Variants in SGMS1 observed in about 807,000 individuals in gnomAD.
SGMS1 encodes sphingomyelin synthase 1.
Under a neutral mutation model 46.2 loss-of-function variants are expected in SGMS1, and 13 were observed. That is an observed-to-expected ratio of 0.28 (90% confidence interval 0.18 to 0.45). SGMS1 has a LOEUF of 0.45. SGMS1 is among the 20% of genes least tolerant of loss of function. The probability of loss-of-function intolerance (pLI) is 1.00; values close to 1 mark genes in which losing one functional copy is unlikely to be tolerated. For synonymous variants in SGMS1, 203 were observed against 187.8 expected, an observed-to-expected ratio of 1.08 and a Z score of -0.66; for missense variants, 324 against 519.9, an observed-to-expected ratio of 0.62 and a Z score of 3.66.
chr10:50,341,602 G>A (rs1003098490), intron 7 of SGMS1, among the ~76,000 whole-genome samples: 4 of 152,210 alleles, frequency 2.6e-5, no homozygotes, highest in South Asian at 2.1e-4. Flanking sequence ...AGACTGAGAC[G>A]TCATTATTCC....
chr10:50,399,007 C>T (rs942955016), intron 6 of SGMS1, among the ~76,000 whole-genome samples: 4 of 151,464 alleles, frequency 2.6e-5, no homozygotes, highest in South Asian at 2.1e-4. Context: ...GCCTAGGGCT[C>T]GGTGTGGAAG....
At chr10:50,567,008 G>A (rs1479299138) in intron 2 of SGMS1, among the ~76,000 whole-genome samples, 7 of 151,980 alleles carry the variant, frequency 4.6e-5, no homozygotes, top group South Asian at 2.1e-4. Context: ...GGGCAGTGGC[G>A]CGATCTTGGC....
intron 6 of SGMS1, among the ~76,000 whole-genome samples, chr10:50,386,830 G>T (rs955599222): frequency 1.3e-5 from 2 of 152,190 alleles, no homozygotes; most frequent in African/African-American, 4.8e-5. Flanking sequence ...AGCAAGGAGG[G>T]TGATGATAAT....
At chr10:50,370,175 C>T (rs1430900745) in intron 6 of SGMS1, among the ~76,000 whole-genome samples, 1 of 152,082 alleles carries the variant, frequency 6.6e-6, no homozygotes, top group Non-Finnish European at 1.5e-5. Context: ...TACACTACTG[C>T]AGACTGTCAA....
chr10:50,539,125 G>A (rs1006713737), intron 2 of SGMS1, among the ~76,000 whole-genome samples: 4 of 152,220 alleles, frequency 2.6e-5, no homozygotes, highest in Non-Finnish European at 4.4e-5. Flanking sequence ...AGCATGAAGG[G>A]CACTGCTGGC....
intron 1 of SGMS1, among the ~76,000 whole-genome samples, chr10:50,617,875 G>A (rs1408796780): frequency 6.7e-6 from 1 of 149,776 alleles, no homozygotes; most frequent in East Asian, 2.1e-4. Context: ...ACCTGGCCCT[G>A]GCTTAATTTT....
At chr10:50,359,909 C>A (rs544606463) in intron 6 of SGMS1, among the ~76,000 whole-genome samples, 158 of 152,132 alleles carry the variant, frequency 1.0e-3, no homozygotes, top group African/African-American at 3.5e-3. Context: ...AACTTCTTAA[C>A]CCTTACCTCT....
chr10:50,547,601 T>C (rs1334347949), intron 2 of SGMS1, among the ~76,000 whole-genome samples: 1 of 152,206 alleles, frequency 6.6e-6, no homozygotes, highest in Non-Finnish European at 1.5e-5. Flanking sequence ...CACAGCTGAA[T>C]TCTACCAGAT....
intron 3 of SGMS1, among the ~76,000 whole-genome samples, chr10:50,481,344 C>T (rs1837475175): frequency 6.6e-6 from 1 of 152,208 alleles, no homozygotes; most frequent in Admixed American, 6.5e-5. Flanking sequence ...AGGCACCCAT[C>T]TTTGCTATTC....
At chr10:50,334,354 A>T (rs560664886) in intron 7 of SGMS1, among the ~76,000 whole-genome samples, 1 of 152,228 alleles carries the variant, frequency 6.6e-6, no homozygotes. Flanking sequence ...GTATATATAC[A>T]CAGAATACGA....
In SGMS1 at chr10:50,344,571, T is replaced by A. The variant is rs188475465; in HGVS notation, c.-231-226A>T. Among the ~76,000 whole-genome samples the A allele has an allele frequency of 3.3e-5, 5 of 152,304 alleles. No homozygotes were observed. The East Asian group carries it at 9.7e-4, about 29-fold the overall frequency. ...ATGTTGTCAAAGGAGACATATTTTA[T>A]AGAATTTCCAACGGTCAGCCGGGCG... On this transcript the variant is annotated intron_variant, in intron 6 of 10. Transcript: ENST00000361781.
intron 5 of SGMS1, among the ~76,000 whole-genome samples, chr10:50,445,034 T>A (rs1323454669): frequency 6.6e-6 from 1 of 152,102 alleles, no homozygotes; most frequent in Admixed American, 6.6e-5. Flanking sequence ...ACAACCCAAT[T>A]GTTAAAATAG....
chr10:50,354,014 C>T (rs34646944), intron 6 of SGMS1, among the ~76,000 whole-genome samples: 4 of 152,118 alleles, frequency 2.6e-5, no homozygotes, highest in East Asian at 3.9e-4. Context: ...GGCCATACTG[C>T]CCAAGGTAAT....
intron 2 of SGMS1, among the ~76,000 whole-genome samples, chr10:50,545,199 C>T (rs1460545279): frequency 6.6e-6 from 1 of 152,156 alleles, no homozygotes; most frequent in East Asian, 1.9e-4. Context: ...GCCCCAGTGC[C>T]TTAAGGTTCC....
chr10:50,340,107 T>C (rs1365504084), intron 7 of SGMS1, among the ~76,000 whole-genome samples: 1 of 152,184 alleles, frequency 6.6e-6, no homozygotes. Context: ...AAGAAAAATA[T>C]AGTAAATCTG....
In SGMS1 at chr10:50,307,046, A is replaced by G. The variant is rs1847189592; in HGVS notation, c.*96T>C. ...GTTAAGTCAAGGTAACCATTGAAAG[A>G]TAATAGGATTAGGGAGGTGTTTATT... is the stretch of plus-strand genomic sequence containing the variant. On this transcript the variant is annotated 3_prime_UTR_variant, in exon 11 of 11. Transcript: ENST00000361781. The surrounding 1 kb of genome is among the most constrained non-coding windows in gnomAD (Gnocchi z 4.2). 7.4e-6 allele frequency: 9 copies of G among 1,212,948 alleles called. No individual in the cohort carries two copies. The highest frequency in any genetic ancestry group is 1.0e-5 in the Non-Finnish European group (9 of 871,988). 75.1% of individuals were successfully genotyped at this position (1,212,948 alleles called of 1,614,324 possible). A position where few individuals can be genotyped will look rare whatever the true frequency, so the allele number is the denominator to read the frequency against.
chr10:50,477,429 G>A (rs141675934), intron 3 of SGMS1, among the ~76,000 whole-genome samples: 1,905 of 152,316 alleles, frequency 0.013, 21 homozygotes, highest in East Asian at 0.059. Flanking sequence ...GCTCATAGGT[G>A]AAAGGGACTT....
intron 6 of SGMS1, among the ~76,000 whole-genome samples, chr10:50,365,325 T>C (rs1848320960): frequency 6.6e-6 from 1 of 150,950 alleles, no homozygotes; most frequent in South Asian, 2.1e-4. Flanking sequence ...GGAGACTTTC[T>C]AGTGTTGGTA....
chr10:50,490,305 A>G (rs1335487109), intron 3 of SGMS1, among the ~76,000 whole-genome samples: 1 of 152,226 alleles, frequency 6.6e-6, no homozygotes, highest in African/African-American at 2.4e-5. Flanking sequence ...AAAAATTGCC[A>G]TGAGAGGTGA....
Sources: gnomAD v4.1 joint callset for allele counts (sites outside exome capture counted in the v4.1 genomes callset) on GRCh38, gnomAD v4.1.1 for gene constraint, Gnocchi (gnomAD v3.1) non-coding constraint, MANE v1.5 for transcripts, NCBI Gene and HGNC (gene_info 2026-07-23, HGNC 2026-07-21) for gene names.